Variants in BCO1 observed in about 807,000 individuals in gnomAD.
BCO1 encodes beta-carotene oxygenase 1.
BCO1 carries 54 observed loss-of-function variants against 56.3 expected under a neutral mutation model. That is an observed-to-expected ratio of 0.96 (90% confidence interval 0.77 to 1.20). BCO1 has a LOEUF of 1.20. Ranked by LOEUF, BCO1 falls within the 50% of genes most tolerant of loss-of-function variation. The pLI is 0.00. For synonymous variants in BCO1, 318 were observed against 266.1 expected (o/e 1.20, Z -1.90); for missense variants, 801 against 690.9 (o/e 1.16, Z -1.79).
chr16:81,284,370 C>G (rs920813346), intron 8 of BCO1, among the ~76,000 whole-genome samples: 6 of 151,432 alleles, frequency 4.0e-5, no homozygotes, highest in African/African-American at 7.3e-5. Context: ...GAAAATTTCA[C>G]ATAATGAGAA....
In BCO1 at chr16:81,262,897, A is replaced by G. The variant is rs533703302; in HGVS notation, c.471+614A>G. On this transcript the variant is annotated intron_variant, in intron 4 of 10. Coordinates refer to ENST00000258168, the MANE Select transcript of BCO1 (RefSeq NM_017429.3). Reference sequence around the variant, plus strand: ...AAAAAACAGAAATTTACTCTCTCACAGTTCTGGAGGTTAAAAGTCTGAAAC... The same window carrying G: ...AAAAAACAGAAATTTACTCTCTCACGGTTCTGGAGGTTAAAAGTCTGAAAC... 2.4e-3 allele frequency: 375 copies of G among 157,854 alleles called. 5 individuals carry two copies. The highest frequency in any genetic ancestry group is 2.6e-4 in the Non-Finnish European group (19 of 71,846). The allele number at this position is 157,854 out of a possible 1,614,324, so 9.8% of individuals were successfully genotyped here. A position where few individuals can be genotyped will look rare whatever the true frequency, so the allele number is the denominator to read the frequency against.
intron 1 of BCO1, among the ~76,000 whole-genome samples, chr16:81,239,742 G>T (rs918235070): frequency 2.6e-5 from 4 of 152,198 alleles, no homozygotes; most frequent in South Asian, 2.1e-4. Context: ...CTCCTGCAGA[G>T]CCTATAGGAG....
chr16:81,270,386 G>C lies in BCO1; in HGVS notation c.1071G>C (p.Arg357Ser). The C allele has an allele frequency of 6.2e-7, 1 of 1,614,094 alleles. No homozygotes were observed. ...GGCTCACCTCGGTCCCCACCCTCAG[G>C]AGGTTTGCCGTGCCCCTCCACGTGG... ...NSRLTSVPTL[R>S]RFAVPLHVDK... The change falls in exon 7 of 11, where the codon AGG (arginine) becomes AGC (serine). Residue 357 changes from arginine (R) to serine (S), a missense_variant. Coordinates refer to ENST00000258168, the MANE Select transcript of BCO1 (RefSeq NM_017429.3).
chr16:81,261,656 G>A (rs528168778), intron 3 of BCO1, among the ~76,000 whole-genome samples: 1 of 152,286 alleles, frequency 6.6e-6, no homozygotes, highest in Non-Finnish European at 1.5e-5. Flanking sequence ...TCAACGTGGA[G>A]GTGTCTTTGG....
chr16:81,262,133 C>G lies in BCO1; in HGVS notation c.324-3C>G. On this transcript the variant is annotated splice_polypyrimidine_tract_variant and splice_region_variant and intron_variant, in intron 3 of 10. Coordinates refer to ENST00000258168, the MANE Select transcript of BCO1 (RefSeq NM_017429.3). ...GACTCTGTTGATTTGCTTTTCTCCC[C>G]AGAGCTTTCTCCTACTTGTCTCACA... The G allele has an allele frequency of 6.2e-7, 1 of 1,613,662 alleles. No individual in the cohort carries two copies. The highest frequency in any genetic ancestry group is 8.5e-7 in the Non-Finnish European group (1 of 1,179,940).
intron 9 of BCO1, among the ~76,000 whole-genome samples, 180 bp downstream of exon 9, chr16:81,285,814 A>C (rs79696497): frequency 0.018 from 2,771 of 152,198 alleles, 81 homozygotes; most frequent in African/African-American, 0.063. Flanking sequence ...CTAATGGGCT[A>C]AGGTTCAGGT....
intron 6 of BCO1, among the ~76,000 whole-genome samples, chr16:81,268,686 TG>T (rs754267812): frequency 1.3e-5 from 2 of 152,248 alleles, no homozygotes; most frequent in Non-Finnish European, 2.9e-5. Flanking sequence ...TACATGTATA[TG>T]TGCATGTATG....
intron 3 of BCO1, among the ~76,000 whole-genome samples, chr16:81,260,501 AT>A (rs1473144360): frequency 6.6e-6 from 1 of 151,972 alleles, no homozygotes; most frequent in African/African-American, 2.4e-5. Context: ...ATTTCATTTC[AT>A]TTTATTCATT....
chr16:81,241,200 G>T (rs555838084), intron 1 of BCO1, among the ~76,000 whole-genome samples: 1 of 151,962 alleles, frequency 6.6e-6, no homozygotes, highest in African/African-American at 2.4e-5. Flanking sequence ...TATAAGCCCA[G>T]CTCCTCAGGA....
At chr16:81,278,072 C>T (rs1424692370) in intron 7 of BCO1, among the ~76,000 whole-genome samples, 3 of 152,008 alleles carry the variant, frequency 2.0e-5, no homozygotes, top group Non-Finnish European at 4.4e-5. Flanking sequence ...GACAGAGTCT[C>T]GCTCTGTCGC....
intron 1 of BCO1, among the ~76,000 whole-genome samples, chr16:81,244,485 ACAT>A (rs1222947727): frequency 6.6e-6 from 1 of 151,508 alleles, no homozygotes; most frequent in Non-Finnish European, 1.5e-5. Context: ...TTCTTATAGC[ACAT>A]GTCATTTCAG....
chr16:81,288,706 A>G (rs1293647012), intron 10 of BCO1, among the ~76,000 whole-genome samples: 2 of 152,206 alleles, frequency 1.3e-5, no homozygotes, highest in Non-Finnish European at 2.9e-5. Context: ...ATTCTCAGAA[A>G]TGCTTCAGAA....
At position 81,243,957 on chromosome 16, in the gene BCO1, G is replaced by A. The variant is rs117254269; in HGVS notation, c.65-1518G>A. On this transcript the variant is annotated intron_variant, in intron 1 of 10. Transcript: ENST00000258168. Reference sequence around the variant, plus strand: ...TGGAGCTAAATCCTCTGGGTATGACGTAAAACATGCCTCTCGTGATCCCAA... The same window carrying A: ...TGGAGCTAAATCCTCTGGGTATGACATAAAACATGCCTCTCGTGATCCCAA... Among the ~76,000 whole-genome samples the A allele has an allele frequency of 5.3e-4, 81 of 152,348 alleles. No homozygotes were observed. The Middle Eastern group carries it at 0.01, about 19-fold the overall frequency.
chr16:81,254,507 C>T (rs1378657216), intron 2 of BCO1, among the ~76,000 whole-genome samples: 1 of 150,766 alleles, frequency 6.6e-6, no homozygotes, highest in Non-Finnish European at 1.5e-5. Flanking sequence ...ATCTCGAACA[C>T]CTAGCCTCAC....
At chr16:81,245,332 T>C (rs1020126000) in intron 1 of BCO1, 143 bp from the exon 2 acceptor site, 55 of 1,288,596 alleles carry the variant, frequency 4.3e-5, no homozygotes, top group Non-Finnish European at 3.4e-6. Flanking sequence ...TTATACACTT[T>C]CTGGAAATGA....
At chr16:81,274,620 T>C (rs1907442211) in intron 7 of BCO1, among the ~76,000 whole-genome samples, 2 of 151,578 alleles carry the variant, frequency 1.3e-5, no homozygotes, top group South Asian at 4.3e-4. Flanking sequence ...GGCTCACGCC[T>C]GTAATCCCAA....
At chr16:81,287,190 G>A (rs548243889) in intron 9 of BCO1, 105 bp from the exon 10 acceptor site, 14 of 879,846 alleles carry the variant, frequency 1.6e-5, no homozygotes, top group South Asian at 2.7e-5. Context: ...GTCTACATCC[G>A]ATGGGCTTCA....
intron 7 of BCO1, among the ~76,000 whole-genome samples, chr16:81,276,912 C>T (rs1219667989): frequency 6.6e-6 from 1 of 150,630 alleles, no homozygotes; most frequent in Non-Finnish European, 1.5e-5. Context: ...ACTAAAAATA[C>T]AAAACTTAGC....
intron 7 of BCO1, among the ~76,000 whole-genome samples, chr16:81,279,807 G>A (rs144427569): frequency 3.0e-4 from 46 of 152,244 alleles, no homozygotes; most frequent in African/African-American, 1.0e-3. Flanking sequence ...ACCAAGAAAT[G>A]TCCTTGAAGG....
Sources: gnomAD v4.1 joint callset for allele counts (sites outside exome capture counted in the v4.1 genomes callset) on GRCh38, gnomAD v4.1.1 for gene constraint, MANE v1.5 for transcripts, NCBI Gene and HGNC (gene_info 2026-07-23, HGNC 2026-07-21) for gene names.